The following RIMS1 variants were observed in gnomAD, a reference collection of about 807,000 sequenced individuals.
RIMS1 encodes the protein regulating synaptic membrane exocytosis 1.
Under a neutral mutation model 214.1 loss-of-function variants are expected in RIMS1, and 83 were observed. That is an observed-to-expected ratio of 0.39 (90% CI 0.32 to 0.47). The LOEUF (loss-of-function observed/expected upper bound fraction) is 0.47. Ranked by LOEUF, RIMS1 falls within the 20% of genes least tolerant of loss-of-function variation. The probability of loss-of-function intolerance (pLI) is 0.99; values close to 1 mark genes in which losing one functional copy is unlikely to be tolerated. For synonymous variants in RIMS1, 793 were observed against 786.8 expected, an observed-to-expected ratio of 1.01 and a Z score of -0.13; for missense variants, 2,050 against 2,161.8, an observed-to-expected ratio of 0.95 and a Z score of 1.03.
intron 29 of RIMS1, among the ~76,000 whole-genome samples, chr6:72,378,325 A>T (rs1336674441): frequency 6.6e-6 from 1 of 152,250 alleles, no homozygotes; most frequent in Non-Finnish European, 1.5e-5. Flanking sequence ...CCCAATTTTG[A>T]TGAAAATCCA....
intron 23 of RIMS1, among the ~76,000 whole-genome samples, chr6:72,275,174 A>T (rs1392949451): frequency 1.2e-4 from 5 of 42,528 alleles, no homozygotes; most frequent in African/African-American, 4.4e-4. Flanking sequence ...ATATATATAT[A>T]TATATATGCT....
chr6:71,931,924 A>G (rs1783160877), intron 1 of RIMS1, among the ~76,000 whole-genome samples: 1 of 152,134 alleles, frequency 6.6e-6, no homozygotes, highest in Admixed American at 6.6e-5. Context: ...AACCACAGTG[A>G]GATACCATCT....
At chr6:72,392,585 G>A (rs2098717917) in intron 30 of RIMS1, 113 bp from the exon 31 acceptor site, 1 of 787,580 alleles carries the variant, frequency 1.3e-6, no homozygotes, top group African/African-American at 1.7e-5. Flanking sequence ...AAAACAGATT[G>A]TCTAAGTAAT....
chr6:72,227,748 T>A (rs2060645218), intron 6 of RIMS1, among the ~76,000 whole-genome samples: 1 of 151,974 alleles, frequency 6.6e-6, no homozygotes, highest in Non-Finnish European at 1.5e-5. Flanking sequence ...GGAGGTTTCA[T>A]TGAGTACGAA....
chr6:72,385,209 A>G lies in RIMS1; in HGVS notation c.4367-5389A>G, dbSNP rs143296965. Reference sequence around the variant, plus strand: ...TCTTTATAAGGTTAATGATTCTTCAATGGATACAAATAATTAATAACGATG... The same window carrying G: ...TCTTTATAAGGTTAATGATTCTTCAGTGGATACAAATAATTAATAACGATG... On this transcript the variant is annotated intron_variant, in intron 29 of 33. Coordinates refer to ENST00000521978, the MANE Select transcript of RIMS1 (RefSeq NM_014989.7). Among the ~76,000 whole-genome samples, 187 of 152,324 alleles carry G rather than the reference A, an allele frequency of 1.2e-3. 5 individuals carry two copies. The highest frequency in any genetic ancestry group is 8.6e-3 in the Admixed American group (131 of 15,302).
rs144823535 is a variant in RIMS1, at chr6:72,282,601, G to C, written c.3483-1446G>C. 4.2e-3 allele frequency among the ~76,000 whole-genome samples: 642 copies of C among 152,200 alleles called. 5 individuals carry two copies. Among genetic ancestry groups the C allele is most frequent in the African/African-American group, 0.013 (545 of 41,512 alleles). On this transcript the variant is annotated intron_variant, in intron 23 of 33. Coordinates refer to ENST00000521978, the MANE Select transcript of RIMS1 (RefSeq NM_014989.7). ...TGCTGTATAGTATAGAACAGAAACA[G>C]CTTAGGAGCCAGATAAACTTAGATT...
intron 2 of RIMS1, among the ~76,000 whole-genome samples, chr6:72,061,236 C>A (rs1827771468): frequency 6.6e-6 from 1 of 151,968 alleles, no homozygotes; most frequent in South Asian, 2.1e-4. Flanking sequence ...TCTTTGTTGA[C>A]ATTATAATAC....
At position 72,343,477 on chromosome 6, in the gene RIMS1, TTTC is replaced by T. The variant is rs1303128500; in HGVS notation, c.4366+9657_4366+9659del. 4.1e-5 allele frequency among the ~76,000 whole-genome samples: 6 copies of T among 147,968 alleles called. No homozygotes were observed. The East Asian group carries it at 9.9e-4, about 24-fold the overall frequency. ...AAGAAAATCTTACTCCTTTCTTTTC[TTTC>T]TTCTTCTTCTTCTTTTTTTTTTTTT... On this transcript the variant is annotated intron_variant, in intron 29 of 33. Coordinates refer to ENST00000521978, the MANE Select transcript of RIMS1 (RefSeq NM_014989.7).
rs752269548 is a variant in RIMS1, at chr6:71,892,001, G to T, written c.164+4814G>T. On this transcript the variant is annotated intron_variant, in intron 1 of 33. Coordinates refer to ENST00000521978, the MANE Select transcript of RIMS1 (RefSeq NM_014989.7). Reference sequence around the variant, plus strand: ...AAGTCAATTGTATTGCATTTAATTTGTCCTCATGGGCTGTTTTCTACTTTT... The same window carrying T: ...AAGTCAATTGTATTGCATTTAATTTTTCCTCATGGGCTGTTTTCTACTTTT... Among the ~76,000 whole-genome samples the T allele has an allele frequency of 3.1e-4, 47 of 152,114 alleles. 1 individual carries two copies. The highest frequency in any genetic ancestry group is 6.0e-4 in the Non-Finnish European group (41 of 68,024).
intron 1 of RIMS1, among the ~76,000 whole-genome samples, chr6:71,960,159 G>A (rs1417271297): frequency 6.6e-6 from 1 of 151,976 alleles, no homozygotes; most frequent in African/African-American, 2.4e-5. Context: ...TTCTCTTTGA[G>A]AGAGTTAATA....
rs1250004267 is a variant in RIMS1 at position 71,962,778 on chromosome 6, T to A, written c.165-6205T>A. Among the ~76,000 whole-genome samples the A allele has an allele frequency of 3.3e-5, 5 of 152,324 alleles. No individual in the cohort carries two copies. The South Asian group carries it at 1.0e-3, about 32-fold the overall frequency. On this transcript the variant is annotated intron_variant, in intron 1 of 33. Coordinates refer to ENST00000521978, the MANE Select transcript of RIMS1 (RefSeq NM_014989.7). ...CCTTTAAAATATATATTTGAAGATA[T>A]TTTTATCAATTGCATTCTACTTGTC... is the stretch of plus-strand genomic sequence containing the variant.
At chr6:72,139,763 A>G (rs2041858507) in intron 4 of RIMS1, among the ~76,000 whole-genome samples, 1 of 152,114 alleles carries the variant, frequency 6.6e-6, no homozygotes, top group African/African-American at 2.4e-5. Context: ...TAATGTGTAC[A>G]TTGTTGTTTT....
At chr6:72,196,377 G>GTTTGTCTGTCTGTCTA (rs1334799674) in intron 6 of RIMS1, among the ~76,000 whole-genome samples, 1 of 143,984 alleles carries the variant, frequency 6.9e-6, no homozygotes, top group Non-Finnish European at 1.5e-5. Context: ...CTGTCTGTCT[G>GTTTGTCTGTCTGTCTA]TCTATCTATC....
intron 1 of RIMS1, among the ~76,000 whole-genome samples, chr6:71,926,661 G>A (rs970758475): frequency 5.3e-5 from 8 of 152,146 alleles, no homozygotes; most frequent in Non-Finnish European, 7.4e-5. Flanking sequence ...CGTCAATTAA[G>A]TTAATGAACA....
At chr6:72,287,640 G>T (rs1371071990) in intron 24 of RIMS1, among the ~76,000 whole-genome samples, 1 of 150,412 alleles carries the variant, frequency 6.6e-6, no homozygotes, top group African/African-American at 2.5e-5. Context: ...CTGTCACCCA[G>T]GCTGGAGTGT....
chr6:72,134,058 T>G (rs1275380591), intron 4 of RIMS1, among the ~76,000 whole-genome samples: 2 of 152,126 alleles, frequency 1.3e-5, no homozygotes, highest in South Asian at 2.1e-4. Flanking sequence ...TTTAATATAT[T>G]AGGCCTTCAA....
chr6:72,374,703 A>G (rs2098326295), intron 29 of RIMS1, among the ~76,000 whole-genome samples: 1 of 152,204 alleles, frequency 6.6e-6, no homozygotes, highest in South Asian at 2.1e-4. Context: ...TCCATGGACC[A>G]GGGGGTAAAG....
At chr6:71,964,159 A>T (rs150452756) in intron 1 of RIMS1, among the ~76,000 whole-genome samples, 33 of 152,296 alleles carry the variant, frequency 2.2e-4, no homozygotes, top group Non-Finnish European at 4.7e-4. Flanking sequence ...TTGAGCAAAG[A>T]CTTTAAAGAA....
At chr6:71,896,078 A>G (rs1288736199) in intron 1 of RIMS1, among the ~76,000 whole-genome samples, 1 of 152,194 alleles carries the variant, frequency 6.6e-6, no homozygotes, top group Non-Finnish European at 1.5e-5. Context: ...GACATTTTAC[A>G]TCCTAGTATC....
Sources: gnomAD v4.1 joint callset for allele counts (sites outside exome capture counted in the v4.1 genomes callset) on GRCh38, gnomAD v4.1.1 for gene constraint, MANE v1.5 for transcripts, NCBI Gene and HGNC (gene_info 2026-07-23, HGNC 2026-07-21) for gene names.